DMD: variants seen among roughly 807,000 people sequenced by gnomAD.
DMD encodes the protein mutant dystrophin.
Under a neutral mutation model 330.1 loss-of-function variants are expected in DMD, and 63 were observed. The ratio of observed to expected loss-of-function variants is 0.19; its 90% confidence interval spans 0.16 to 0.24. The LOEUF (loss-of-function observed/expected upper bound fraction) is 0.24, where lower values mean the gene tolerates loss of function less well. DMD is among the 10% of genes least tolerant of loss of function. DMD has a pLI of 1.00. For synonymous variants in DMD, 1,223 were observed against 959.8 expected (o/e 1.27, Z -5.07); for missense variants, 3,344 against 2,684.1 (o/e 1.25, Z -5.43).
At chrX:31,648,786 A>G (rs866844835) in intron 54 of DMD, among the ~76,000 whole-genome samples, 4 of 109,548 alleles carry the variant, frequency 3.7e-5, no homozygotes, top group Non-Finnish European at 7.6e-5. Flanking sequence ...AATATAAGAA[A>G]TCATTTGAAT....
chrX:32,600,699 C>G lies in DMD; in HGVS notation c.1483-4823G>C, dbSNP rs142410721. Among the ~76,000 whole-genome samples the G allele has an allele frequency of 7.6e-3, 837 of 109,612 alleles. 4 individuals carry two copies. Among genetic ancestry groups the G allele is most frequent in the Non-Finnish European group, 0.013 (677 of 52,723 alleles). On this transcript the variant is annotated intron_variant, in intron 12 of 78. Coordinates refer to ENST00000357033, the MANE Select transcript of DMD (RefSeq NM_004006.3). ...GGCAATCTATTGTCTCCAAAAATGA[C>G]TTTAAAATTAATATATTTAGATGTT...
intron 43 of DMD, among the ~76,000 whole-genome samples, chrX:32,272,507 T>C (rs1392220706): frequency 8.9e-6 from 1 of 112,267 alleles, no homozygotes; most frequent in Non-Finnish European, 1.9e-5. Flanking sequence ...TCTACTGATG[T>C]CTATAGATCT....
intron 43 of DMD, among the ~76,000 whole-genome samples, chrX:32,252,917 TATAG>T (rs775939149): frequency 0.01 from 880 of 84,633 alleles, 22 homozygotes; most frequent in African/African-American, 0.039. Context: ...CATAAATATA[TATAG>T]ATATATAAAT....
Position 32,365,174 on chromosome X carries a change from T to C in DMD, c.4871A>G (p.Gln1624Arg), listed in dbSNP as rs1397058114. ...TGTGATACTCTTCAGGTGCACCTTC[T>C]GTTTCTCAATCTCTTTTTGAGTAGC... ...GKATQKEIEK[Q>R]KVHLKSITEV... Residue 1624 changes from glutamine to arginine, a missense_variant, in exon 35 of 79, where the codon CAG becomes CGG. Coordinates refer to ENST00000357033, the MANE Select transcript of DMD (RefSeq NM_004006.3). 8.3e-7 allele frequency: 1 copy of C among 1,211,104 alleles called. No individual in the cohort carries two copies. The highest frequency in any genetic ancestry group is 1.8e-5 in the South Asian group (1 of 56,982).
At chrX:31,209,982 G>A (rs1211799580) in intron 64 of DMD, among the ~76,000 whole-genome samples, 1 of 111,350 alleles carries the variant, frequency 9.0e-6, no homozygotes, top group Non-Finnish European at 1.9e-5. Flanking sequence ...GGGAATATCT[G>A]AGAGTTAAGG....
intron 1 of DMD, among the ~76,000 whole-genome samples, chrX:33,091,257 C>T (rs185832769): frequency 9.0e-6 from 1 of 111,713 alleles, no homozygotes; most frequent in East Asian, 2.8e-4. Flanking sequence ...ACACACACTT[C>T]TATTTACTTT....
At chrX:31,735,218 CCT>C (rs769482112) in intron 51 of DMD, among the ~76,000 whole-genome samples, 4 of 111,767 alleles carry the variant, frequency 3.6e-5, no homozygotes, top group Admixed American at 9.5e-5. Context: ...GCCTTCTCTC[CCT>C]CTCTCTTCCT....
At chrX:31,749,378 A>C (rs5927836) in intron 51 of DMD, among the ~76,000 whole-genome samples, 15,962 of 96,592 alleles carry the variant, frequency 0.17, 1,355 homozygotes, top group East Asian at 0.31. Context: ...CCACCTATGA[A>C]TGAGAATATG....
intron 21 of DMD, among the ~76,000 whole-genome samples, chrX:32,480,151 G>C (rs1234263091): frequency 9.0e-6 from 1 of 111,622 alleles, no homozygotes; most frequent in African/African-American, 3.2e-5. Context: ...CAACAGATAT[G>C]TGAAAAAATG....
chrX:32,220,237 A>T lies in DMD; in HGVS notation c.6291-3174T>A, dbSNP rs988518241. On this transcript the variant is annotated intron_variant, in intron 43 of 78. Coordinates refer to ENST00000357033, the MANE Select transcript of DMD (RefSeq NM_004006.3). ...CCTTTTTCTCTCGTCTCCTCGTATA[A>T]TCCAAACTTTTGCATCCTCAAGGAC... Among the ~76,000 whole-genome samples, 3 of 111,614 alleles carry T rather than the reference A, an allele frequency of 2.7e-5. No individual in the cohort carries two copies. In the Admixed American group the frequency reaches 2.9e-4, roughly 11 times the overall value.
chrX:32,389,365 T>C (rs184645836), intron 32 of DMD, 136 bp downstream of exon 32: 1 of 708,499 alleles, frequency 1.4e-6, no homozygotes, highest in African/African-American at 2.1e-5. Flanking sequence ...ATGTGCCAAT[T>C]TTTGTTCTCA....
intron 51 of DMD, among the ~76,000 whole-genome samples, chrX:31,759,947 G>A (rs1266629544): frequency 8.9e-6 from 1 of 111,875 alleles, no homozygotes; most frequent in Non-Finnish European, 1.9e-5. Flanking sequence ...ATCCAACTAA[G>A]ATAATGTTCT....
intron 44 of DMD, among the ~76,000 whole-genome samples, chrX:32,044,429 A>AC (rs1557091166): frequency 4.8e-5 from 5 of 104,916 alleles, no homozygotes; most frequent in African/African-American, 1.7e-4. Context: ...TATTTATTTA[A>AC]TTTTTTTTTT....
intron 30 of DMD, among the ~76,000 whole-genome samples, chrX:32,405,092 T>G (rs111963094): frequency 9.0e-6 from 1 of 111,142 alleles, no homozygotes; most frequent in African/African-American, 3.3e-5. Flanking sequence ...GTATGAAAAA[T>G]ACTCTGGAAC....
At chrX:31,265,783 T>TGGGGGGG (rs57593344) in intron 62 of DMD, among the ~76,000 whole-genome samples, 1 of 16,268 alleles carries the variant, frequency 6.1e-5, no homozygotes, top group Admixed American at 1.0e-3. Flanking sequence ...ATTGGGGGTG[T>TGGGGGGG]GGGGGGGGGG....
At chrX:32,724,785 A>G (rs1469673573) in intron 7 of DMD, among the ~76,000 whole-genome samples, 2 of 112,171 alleles carry the variant, frequency 1.8e-5, no homozygotes, top group African/African-American at 6.5e-5. Context: ...AAATTACATC[A>G]GTAATCTTTC....
chrX:31,409,018 G>A (rs915358017), intron 60 of DMD, among the ~76,000 whole-genome samples: 5 of 110,531 alleles, frequency 4.5e-5, no homozygotes, highest in Admixed American at 1.9e-4. Flanking sequence ...TCCCACCTAT[G>A]AGTGAGAACA....
rs1333674964 is a variant in DMD, at chrX:32,077,458, T to C, written c.6439-108944A>G. On this transcript the variant is annotated intron_variant, in intron 44 of 78. Transcript: ENST00000357033. Reference sequence around the variant, plus strand: ...TGAAAGTTATATAAATGTGATAAAATAGAATATAAGAGGAATGTTCTAAAA... The same window carrying C: ...TGAAAGTTATATAAATGTGATAAAACAGAATATAAGAGGAATGTTCTAAAA... 2.7e-5 allele frequency among the ~76,000 whole-genome samples: 3 copies of C among 111,803 alleles called. No individual in the cohort carries two copies. The Admixed American group carries it at 2.8e-4, about 11-fold the overall frequency.
chrX:31,250,200 T>C (rs2049205544), intron 63 of DMD, among the ~76,000 whole-genome samples: 1 of 111,967 alleles, frequency 8.9e-6, no homozygotes, highest in African/African-American at 3.3e-5. Flanking sequence ...ATATTCTAGA[T>C]AAAAGCAAAC....
Sources: allele counts gnomAD v4.1 joint callset (sites outside exome capture counted in the v4.1 genomes callset), GRCh38; gene constraint gnomAD v4.1.1; transcripts MANE v1.5; gene names NCBI Gene and HGNC (gene_info 2026-07-23, HGNC 2026-07-21).